ASCC1: variants seen among roughly 807,000 people sequenced by gnomAD.
ASCC1 encodes activating signal cointegrator 1 complex subunit 1.
In ASCC1, 35 loss-of-function variants were observed where a neutral mutation model predicts 46.6. The observed-to-expected ratio is 0.75, with a 90% confidence interval of 0.57 to 0.99. The LOEUF (loss-of-function observed/expected upper bound fraction) is 0.99. Ranked by LOEUF, ASCC1 falls within the 50% of genes least tolerant of loss-of-function variation. ASCC1 has a pLI of 0.00. For missense variants in ASCC1, 376 were observed against 428.7 expected, an observed-to-expected ratio of 0.88 and a Z score of 1.09; for synonymous variants, 143 against 146.6, an observed-to-expected ratio of 0.98 and a Z score of 0.18.
At chr10:72,200,205 C>T (rs116435593) in intron 4 of ASCC1, among the ~76,000 whole-genome samples, 3,646 of 152,136 alleles carry the variant, frequency 0.024, 139 homozygotes, top group African/African-American at 0.084. Context: ...TATTATATAA[C>T]TTACTACACA....
At position 72,205,632 on chromosome 10, in the gene ASCC1, A is replaced by G. The variant is rs1280325997; in HGVS notation, c.213-2108T>C. On this transcript the variant is annotated intron_variant, in intron 3 of 9. Transcript: ENST00000672957. ...GTGACAAGAGTGAAACTCCATCTCA[A>G]AAAAAAAAAAAAAAAATAGCAGGGT... Among the ~76,000 whole-genome samples, 247 of 31,922 alleles carry G rather than the reference A, an allele frequency of 7.7e-3. 5 individuals carry two copies. Among genetic ancestry groups the G allele is most frequent in the Non-Finnish European group, 1.3e-3 (20 of 14,960 alleles). 20.9% of individuals were successfully genotyped at this position (31,922 alleles called of 152,430 possible).
chr10:72,179,313 T>C (rs567309098), intron 5 of ASCC1, among the ~76,000 whole-genome samples: 1 of 152,272 alleles, frequency 6.6e-6, no homozygotes, highest in South Asian at 2.1e-4. Context: ...CTGCTCTTTT[T>C]TAAACCCTCA....
intron 5 of ASCC1, among the ~76,000 whole-genome samples, chr10:72,162,075 T>C (rs1849758417): frequency 6.6e-6 from 1 of 152,104 alleles, no homozygotes; most frequent in African/African-American, 2.4e-5. Context: ...GCAGAAATAT[T>C]TGCAAGTAAT....
At position 72,160,892 on chromosome 10, in the gene ASCC1, G is replaced by A. The variant is rs554473315; in HGVS notation, c.626+646C>T. Among the ~76,000 whole-genome samples, 117 of 151,544 alleles carry A rather than the reference G, an allele frequency of 7.7e-4. No homozygotes were observed. The South Asian group carries it at 0.011, about 14-fold the overall frequency. On this transcript the variant is annotated intron_variant, in intron 6 of 9. Transcript: ENST00000672957. ...AGGTCAAGAGATCAAGACCATCCTG[G>A]CTAAAATGGTGAAACCCCGTCTCTA...
chr10:72,131,439 T>TACACACACACACACAC (rs71927487), intron 8 of ASCC1, among the ~76,000 whole-genome samples: 1,738 of 139,368 alleles, frequency 0.012, 41 homozygotes, highest in African/African-American at 0.038. Context: ...AAAATAAAAA[T>TACACACACACACACAC]ACACACACAC....
At chr10:72,107,484 T>C (rs1389781585) in intron 9 of ASCC1, among the ~76,000 whole-genome samples, 1 of 152,028 alleles carries the variant, frequency 6.6e-6, no homozygotes, top group Non-Finnish European at 1.5e-5. Flanking sequence ...GAAATGGAGA[T>C]CCACCACATC....
intron 8 of ASCC1, among the ~76,000 whole-genome samples, chr10:72,130,939 T>C (rs1006642890): frequency 1.3e-5 from 2 of 152,216 alleles, no homozygotes; most frequent in African/African-American, 4.8e-5. Context: ...TGCCTTTACA[T>C]AATAATGTTA....
chr10:72,125,026 A>G (rs1289107978), intron 9 of ASCC1, among the ~76,000 whole-genome samples: 1 of 152,208 alleles, frequency 6.6e-6, no homozygotes, highest in Non-Finnish European at 1.5e-5. Context: ...ACAACTCTCA[A>G]AAAAGCTGTA....
At position 72,213,200 on chromosome 10, in the gene ASCC1, C is replaced by A. The variant is rs781010731; in HGVS notation, c.99G>T (p.Glu33Asp). ...AACTAGGATTACCTTGATAGAAGTCCTCTTCATCTTCTTCATGTTGATAGG... is the reference window on the plus strand; with the variant it reads ...AACTAGGATTACCTTGATAGAAGTCATCTTCATCTTCTTCATGTTGATAGG... ...EQTYQHEEDE[E>D]DFYQGSMECA... is the part of the protein sequence containing the mutation. Residue 33 changes from glutamate to aspartate, a missense_variant, in exon 2 of 10, where the codon GAG becomes GAT. Coordinates refer to ENST00000672957, the MANE Select transcript of ASCC1 (RefSeq NM_001198800.3). 2 of 1,605,232 alleles carry A rather than the reference C, an allele frequency of 1.2e-6. No individual in the cohort carries two copies. Among genetic ancestry groups the A allele is most frequent in the Non-Finnish European group, 1.7e-6 (2 of 1,172,452 alleles).
chr10:72,164,747 C>T (rs1406039134), intron 5 of ASCC1, among the ~76,000 whole-genome samples: 3 of 152,202 alleles, frequency 2.0e-5, no homozygotes, highest in Non-Finnish European at 4.4e-5. Flanking sequence ...ACATTCCCAG[C>T]AGCAATGTAT....
chr10:72,202,210 T>C (rs559478355), intron 4 of ASCC1, among the ~76,000 whole-genome samples: 2 of 152,282 alleles, frequency 1.3e-5, no homozygotes, highest in East Asian at 3.9e-4. Flanking sequence ...CTCACGCCTG[T>C]AATCCCAGCA....
intron 4 of ASCC1, among the ~76,000 whole-genome samples, chr10:72,197,701 T>C (rs1363149163): frequency 1.3e-5 from 2 of 150,106 alleles, no homozygotes; most frequent in African/African-American, 4.9e-5. Context: ...AGGTCAGGAG[T>C]TCAAGACCAG....
At chr10:72,097,569 T>C in intron 9 of ASCC1, 119 bp from the exon 10 acceptor site, 1 of 675,206 alleles carries the variant, frequency 1.5e-6, no homozygotes, top group Admixed American at 2.2e-5. Context: ...TCTCATGCTT[T>C]TTCTTTTCAG....
At chr10:72,186,829 C>T (rs538271723) in intron 5 of ASCC1, among the ~76,000 whole-genome samples, 5 of 150,424 alleles carry the variant, frequency 3.3e-5, no homozygotes, top group African/African-American at 1.2e-4. Flanking sequence ...ATGACGTTCA[C>T]AGCGAACAAG....
intron 9 of ASCC1, among the ~76,000 whole-genome samples, chr10:72,115,187 T>G (rs1047474431): frequency 5.3e-5 from 8 of 152,216 alleles, no homozygotes; most frequent in African/African-American, 1.7e-4. Flanking sequence ...GTTCTATTGA[T>G]GCATAAGAAA....
intron 9 of ASCC1, among the ~76,000 whole-genome samples, chr10:72,107,642 A>T (rs559708384): frequency 6.6e-6 from 1 of 152,250 alleles, no homozygotes; most frequent in Non-Finnish European, 1.5e-5. Context: ...AGACACACAT[A>T]CCTTCACCTA....
At chr10:72,191,655 TC>T (rs560648393) in intron 5 of ASCC1, among the ~76,000 whole-genome samples, 138 of 152,072 alleles carry the variant, frequency 9.1e-4, no homozygotes, top group Admixed American at 1.7e-3. Context: ...AAAAAAATTT[TC>T]TTTTTTTTTG....
intron 7 of ASCC1, among the ~76,000 whole-genome samples, chr10:72,152,661 C>T (rs1338050378): frequency 2.0e-5 from 3 of 152,036 alleles, no homozygotes; most frequent in African/African-American, 7.3e-5. Flanking sequence ...GACCCCCATC[C>T]TAAAAGTCAG....
upstream of ASCC1, chr10:72,216,914 G>C: frequency 2.2e-6 from 1 of 456,236 alleles, no homozygotes; most frequent in South Asian, 1.5e-5. Context: ...ACTGGTTGAA[G>C]ATAGAGTTGT....
Sources: allele counts gnomAD v4.1 joint callset (sites outside exome capture counted in the v4.1 genomes callset), GRCh38; gene constraint gnomAD v4.1.1; transcripts MANE v1.5; gene names NCBI Gene and HGNC (gene_info 2026-07-23, HGNC 2026-07-21).